SNRK: variants seen among roughly 807,000 people sequenced by gnomAD.
The protein encoded by SNRK is SNF-related serine/threonine-protein kinase.
In SNRK, 3 loss-of-function variants were observed where a neutral mutation model predicts 48.2. That is an observed-to-expected ratio of 0.06 (90% CI 0.03 to 0.16). The LOEUF is 0.16. Ranked by LOEUF, SNRK falls within the 10% of genes least tolerant of loss-of-function variation. SNRK has a pLI of 1.00. For synonymous variants in SNRK, 376 were observed against 366.1 expected (o/e 1.03, Z -0.31); for missense variants, 627 against 976.0 (o/e 0.64, Z 4.76).
chr3:43,306,914 T>C (rs1251023224), intron 3 of SNRK, among the ~76,000 whole-genome samples: 1 of 152,234 alleles, frequency 6.6e-6, no homozygotes, highest in African/African-American at 2.4e-5. Flanking sequence ...TTATGCCCAA[T>C]TGATTTCTGC....
chr3:43,315,122 T>C (rs1220196686), intron 3 of SNRK: 1 of 152,180 alleles, frequency 6.6e-6, no homozygotes, highest in Non-Finnish European at 1.5e-5. Flanking sequence ...ACCACTAGGC[T>C]GCCTAAGGAG....
chr3:43,297,563 G>C (rs1448277374), intron 1 of SNRK, among the ~76,000 whole-genome samples: 2 of 148,764 alleles, frequency 1.3e-5, no homozygotes, highest in African/African-American at 5.2e-5. Flanking sequence ...TAAAGGGTGG[G>C]ATAATGGATT....
At chr3:43,342,131 T>C (rs1023210043) in intron 5 of SNRK, among the ~76,000 whole-genome samples, 2 of 152,204 alleles carry the variant, frequency 1.3e-5, no homozygotes, top group African/African-American at 4.8e-5. Flanking sequence ...CATATATACA[T>C]GTAGTAGTGT....
intron 3 of SNRK, among the ~76,000 whole-genome samples, chr3:43,327,812 C>T (rs1364982418): frequency 6.6e-6 from 1 of 152,122 alleles, no homozygotes; most frequent in Non-Finnish European, 1.5e-5. Context: ...TGAGTGTTAG[C>T]CAGATGAGAC....
chr3:43,340,933 A>G (rs182718359), intron 5 of SNRK, among the ~76,000 whole-genome samples: 22 of 152,142 alleles, frequency 1.4e-4, no homozygotes, highest in African/African-American at 5.1e-4. Context: ...TTATAAGTGA[A>G]GTTTTATTGG....
rs750599041 is a variant in SNRK at position 43,348,205 on chromosome 3, T to G, written c.1946T>G (p.Leu649Arg). ...GGGGAGCTCGTTGAGAGCCTCAAAC[T>G]CATGAGCCTCTGCCTCGGCTCCCAG... Reference protein sequence around the residue: ...SAGELVESLKLMSLCLGSQLH... With the variant: ...SAGELVESLKRMSLCLGSQLH... Residue 649 changes from leucine to arginine, a missense_variant, in exon 7 of 7, where the codon CTC becomes CGC. Leu to Arg is a moderately radical substitution (Grantham distance 102, BLOSUM62 -2). Around this residue, in one of 4 missense-constraint regions of SNRK, gnomAD observed 207 missense variants for 234.3 expected, o/e 0.88. Coordinates refer to ENST00000296088, the MANE Select transcript of SNRK (RefSeq NM_017719.5). 3.1e-6 allele frequency: 5 copies of G among 1,607,832 alleles called. No homozygotes were observed. In the South Asian group the frequency reaches 5.5e-5, roughly 18 times the overall value.
intron 1 of SNRK, among the ~76,000 whole-genome samples, chr3:43,294,915 C>T (rs926158863): frequency 6.6e-6 from 1 of 152,202 alleles, no homozygotes; most frequent in South Asian, 2.1e-4. Context: ...TTCCTGGGCA[C>T]AATAAGTAAT....
intron 3 of SNRK, among the ~76,000 whole-genome samples, chr3:43,307,111 G>A (rs562230289): frequency 6.6e-6 from 1 of 152,116 alleles, no homozygotes; most frequent in African/African-American, 2.4e-5. Context: ...TTTTCTGAGA[G>A]AATAATGGTA....
chr3:43,287,406 C>G (rs2090774657), intron 1 of SNRK, among the ~76,000 whole-genome samples: 1 of 152,152 alleles, frequency 6.6e-6, no homozygotes. Context: ...CTTCGGGGTT[C>G]TTGGAGCTGT....
intron 3 of SNRK, among the ~76,000 whole-genome samples, chr3:43,312,931 A>G (rs751448982): frequency 2.6e-5 from 4 of 152,192 alleles, no homozygotes; most frequent in Non-Finnish European, 5.9e-5. Context: ...ATGGAGAGAC[A>G]TGTGTTCATG....
intron 5 of SNRK, among the ~76,000 whole-genome samples, chr3:43,341,397 C>T (rs1423903363): frequency 2.6e-5 from 4 of 152,262 alleles, no homozygotes; most frequent in Non-Finnish European, 4.4e-5. Context: ...GTGATCCGCC[C>T]GCCTTGGCCT....
intron 3 of SNRK, among the ~76,000 whole-genome samples, chr3:43,326,426 C>T (rs1400176111): frequency 6.6e-6 from 1 of 151,354 alleles, no homozygotes; most frequent in Non-Finnish European, 1.5e-5. Context: ...TTGTGTTGAG[C>T]AGGCCCTGGC....
At chr3:43,297,985 G>A (rs571161828) in intron 1 of SNRK, among the ~76,000 whole-genome samples, 1 of 152,242 alleles carries the variant, frequency 6.6e-6, no homozygotes, top group African/African-American at 2.4e-5. Context: ...AGTAGGGTCA[G>A]CAACTGAAAG....
At chr3:43,290,640 C>T (rs528813649) in intron 1 of SNRK, among the ~76,000 whole-genome samples, 1 of 152,312 alleles carries the variant, frequency 6.6e-6, no homozygotes, top group Non-Finnish European at 1.5e-5. Flanking sequence ...GCTTACCTGT[C>T]TTCTAGCTCT....
At chr3:43,316,761 A>AC (rs1049843464) in intron 3 of SNRK, among the ~76,000 whole-genome samples, 2 of 149,440 alleles carry the variant, frequency 1.3e-5, no homozygotes, top group East Asian at 2.0e-4. Flanking sequence ...TTCAAGCTAG[A>AC]CCCCCCTCCC....
At position 43,319,459 on chromosome 3, in the gene SNRK, A is replaced by G. The variant is rs139638618; in HGVS notation, c.590-12710A>G. ...CAGCCAGGCACAGAGTAGGCATACT[A>G]TTTTGCTGGGTGTAAAAATAAAAGA... is the stretch of plus-strand genomic sequence containing the variant. On this transcript the variant is annotated intron_variant, in intron 3 of 6. Coordinates refer to ENST00000296088, the MANE Select transcript of SNRK (RefSeq NM_017719.5). Among the ~76,000 whole-genome samples, 476 of 151,860 alleles carry G rather than the reference A, an allele frequency of 3.1e-3. 1 individual carries two copies. Among genetic ancestry groups the G allele is most frequent in the African/African-American group, 0.011 (441 of 41,166 alleles).
intron 5 of SNRK, 81 bp downstream of exon 5, chr3:43,340,580 G>C: frequency 8.2e-7 from 1 of 1,222,240 alleles, no homozygotes; most frequent in South Asian, 1.3e-5. Context: ...ACAGCCTTTG[G>C]ACACCTGTGT....
intron 1 of SNRK, among the ~76,000 whole-genome samples, chr3:43,299,415 A>T (rs2090881837): frequency 6.6e-6 from 1 of 152,080 alleles, no homozygotes; most frequent in Non-Finnish European, 1.5e-5. Flanking sequence ...TGACCTCATG[A>T]TCCACCTGTC....
chr3:43,311,026 A>G (rs553294830), intron 3 of SNRK, among the ~76,000 whole-genome samples: 2 of 152,058 alleles, frequency 1.3e-5, no homozygotes, highest in South Asian at 2.1e-4. Flanking sequence ...CTCTAGTGAT[A>G]TGGGAGAGGA....
Sources: gnomAD v4.1 joint callset for allele counts (sites outside exome capture counted in the v4.1 genomes callset) on GRCh38, gnomAD v4.1.1 for gene constraint, gnomAD v4.1.1 regional missense constraint, MANE v1.5 for transcripts, NCBI Gene and HGNC (gene_info 2026-07-23, HGNC 2026-07-21) for gene names.